The following SNX32 variants were observed in gnomAD, a reference collection of about 807,000 sequenced individuals.
SNX32 encodes sorting nexin-32.
Under a neutral mutation model 57.0 loss-of-function variants are expected in SNX32, and 58 were observed. That is an observed-to-expected ratio of 1.02 (90% CI 0.82 to 1.27). The LOEUF (loss-of-function observed/expected upper bound fraction) is 1.27, where lower values mean the gene tolerates loss of function less well. SNX32 is among the 50% of genes most tolerant of loss of function. The pLI, the probability that SNX32 is intolerant of heterozygous loss-of-function variation, is 0.00. For synonymous variants in SNX32, 262 were observed against 220.4 expected (o/e 1.19, Z -1.67); for missense variants, 589 against 541.2 (o/e 1.09, Z -0.88).
At position 65,849,461 on chromosome 11, in the gene SNX32, C is replaced by A. The variant is rs1185630795; in HGVS notation, c.37-17C>A. The A allele has an allele frequency of 6.3e-7, 1 of 1,594,384 alleles. No individual in the cohort carries two copies. The highest frequency in any genetic ancestry group is 8.6e-7 in the Non-Finnish European group (1 of 1,167,920). ...GGGCCATGCTCAGCCAGGCCAGAGA[C>A]CTCCCCTCCTCCGCAGCCTTCCTGT... On this transcript the variant is annotated splice_polypyrimidine_tract_variant and intron_variant, in intron 1 of 12. Transcript: ENST00000308342.
intron 1 of SNX32, among the ~76,000 whole-genome samples, chr11:65,844,458 TAGAG>T (rs985394399): frequency 1.2e-4 from 18 of 148,860 alleles, no homozygotes; most frequent in Admixed American, 2.7e-4. Context: ...AAATAATAAA[TAGAG>T]AGAGAGAGAG....
intron 12 of SNX32, 28 bp downstream of exon 12, chr11:65,852,986 T>G: frequency 6.2e-7 from 1 of 1,610,974 alleles, no homozygotes; most frequent in Non-Finnish European, 8.5e-7. Flanking sequence ...ACTGGGCCCT[T>G]GTGAAGCCTC....
intron 6 of SNX32, 23 bp from the exon 7 acceptor site, chr11:65,851,032 G>A: frequency 6.3e-7 from 1 of 1,599,634 alleles, no homozygotes; most frequent in South Asian, 1.1e-5. Context: ...CAGTGTAAAT[G>A]GGGTCCTGCC....
Position 65,850,237 on chromosome 11 carries a change from G to C in SNX32, c.340G>C (p.Glu114Gln). The change falls in exon 4 of 13, where the codon GAA (glutamate) becomes CAA (glutamine). Residue 114 changes from glutamate (E) to glutamine (Q), a missense_variant. Glu to Gln is a conservative substitution (Grantham distance 29). Coordinates refer to ENST00000308342, the MANE Select transcript of SNX32 (RefSeq NM_152760.3). ...CGAGGGGGACAGCTCTGTCACTCGG[G>C]AAGAGTTTGCCAAGATGAAGCAGGA... ...LGEGDSSVTR[E>Q]EFAKMKQELE... 1 of 1,614,232 alleles carries C rather than the reference G, an allele frequency of 6.2e-7. No homozygotes were observed. The highest frequency in any genetic ancestry group is 1.1e-5 in the South Asian group (1 of 91,086).
At chr11:65,838,650 T>C (rs2134688453) in intron 1 of SNX32, among the ~76,000 whole-genome samples, 1 of 152,330 alleles carries the variant, frequency 6.6e-6, no homozygotes, top group East Asian at 1.9e-4. Flanking sequence ...TGTAGAGCTC[T>C]ATACCCAACA....
chr11:65,852,935 G>A lies in SNX32; in HGVS notation c.1135G>A (p.Glu379Lys), dbSNP rs1859262878. 1 of 1,614,202 alleles carries A rather than the reference G, an allele frequency of 6.2e-7. No homozygotes were observed. ...SFRKNLIELAELELKHAKAST... is the reference protein window; with the variant it reads ...SFRKNLIELAKLELKHAKAST... ...TCGAAAGAATCTCATTGAGCTGGCA[G>A]AGCTGGAGCTCAAACACGCCAAGGT... The change falls in exon 12 of 13, where the codon GAG becomes AAG. Residue 379 changes from glutamate to lysine, a missense_variant. Glu to Lys is a moderately conservative substitution (Grantham distance 56). Coordinates refer to ENST00000308342, the MANE Select transcript of SNX32 (RefSeq NM_152760.3).
rs758396242 is a variant in SNX32 at position 65,853,382 on chromosome 11, A to G, written c.*47A>G. ...CCCTAATCTGGGATCTCCAGTGACC[A>G]GGGTATCCCAGACCCCTCTCTCCGG... On this transcript the variant is annotated 3_prime_UTR_variant, in exon 13 of 13. Coordinates refer to ENST00000308342, the MANE Select transcript of SNX32 (RefSeq NM_152760.3). The G allele has an allele frequency of 6.3e-7, 1 of 1,585,248 alleles. No homozygotes were observed. The highest frequency in any genetic ancestry group is 2.2e-5 in the East Asian group (1 of 44,726).
chr11:65,834,981 CGTT>C (rs1858624888), intron 1 of SNX32, among the ~76,000 whole-genome samples: 1 of 142,854 alleles, frequency 7.0e-6, no homozygotes, highest in Non-Finnish European at 1.5e-5. Context: ...CTGTGTATGT[CGTT>C]GTGTGTGTCT....
chr11:65,850,484 A>G lies in SNX32; in HGVS notation c.428A>G (p.Gln143Arg). 1.9e-6 allele frequency: 3 copies of G among 1,614,146 alleles called. No individual in the cohort carries two copies. The highest frequency in any genetic ancestry group is 1.3e-5 in the African/African-American group (1 of 75,048). ...KTVAMHEVFL[Q>R]RLAAHPTLRR... Reference sequence around the variant, plus strand: ...GTTGCGATGCACGAAGTCTTTCTGCAGCGCCTGGCGGCCCACCCCACCCTG... The same window carrying G: ...GTTGCGATGCACGAAGTCTTTCTGCGGCGCCTGGCGGCCCACCCCACCCTG... Residue 143 changes from glutamine to arginine, a missense_variant, in exon 5 of 13, where the codon CAG becomes CGG. Physicochemically the swap from Gln to Arg is conservative, Grantham distance 43. Coordinates refer to ENST00000308342, the MANE Select transcript of SNX32 (RefSeq NM_152760.3).
intron 1 of SNX32, among the ~76,000 whole-genome samples, chr11:65,839,575 C>G (rs1246285943): frequency 2.0e-5 from 3 of 150,784 alleles, no homozygotes; most frequent in African/African-American, 7.3e-5. Flanking sequence ...GAACTCCTGA[C>G]CTCAGGTGAT....
At chr11:65,850,721 C>A in intron 5 of SNX32, 30 bp from the exon 6 acceptor site, 1 of 1,606,318 alleles carries the variant, frequency 6.2e-7, no homozygotes, top group South Asian at 1.1e-5. Context: ...AACGCCCACC[C>A]CAGCATCATA....
At chr11:65,853,007 C>T (rs570980163) in intron 12 of SNX32, 49 bp downstream of exon 12, 43 of 1,576,294 alleles carry the variant, frequency 2.7e-5, no homozygotes, top group Middle Eastern at 1.8e-4. Context: ...CCACCTCCCA[C>T]CTCCCTCCCT....
At chr11:65,852,335 T>A (rs1300245601) in intron 9 of SNX32, 130 bp from the exon 10 acceptor site, 2 of 817,082 alleles carry the variant, frequency 2.4e-6, no homozygotes, top group East Asian at 5.0e-5. Context: ...CCTGCACCCC[T>A]CAACACCAGA....
intron 1 of SNX32, 60 bp downstream of exon 1, chr11:65,834,161 G>A (rs1858582781): frequency 6.7e-7 from 1 of 1,489,130 alleles, no homozygotes; most frequent in African/African-American, 1.4e-5. Context: ...AGCCCGTGAT[G>A]CCCAATCATG....
intron 1 of SNX32, among the ~76,000 whole-genome samples, chr11:65,839,666 AT>A (rs1001194170): frequency 7.1e-4 from 107 of 150,332 alleles, no homozygotes; most frequent in African/African-American, 2.3e-3. Flanking sequence ...AACTAAAAAA[AT>A]TTTTTTTGTG....
chr11:65,853,654 A>T lies in SNX32; in HGVS notation c.*319A>T. 1 of 424,322 alleles carries T rather than the reference A, an allele frequency of 2.4e-6. No homozygotes were observed. The highest frequency in any genetic ancestry group is 4.3e-6 in the Non-Finnish European group (1 of 232,458). 26.3% of individuals were successfully genotyped at this position (424,322 alleles called of 1,614,324 possible). A position where few individuals can be genotyped will look rare whatever the true frequency, so the allele number is the denominator to read the frequency against. On this transcript the variant is annotated 3_prime_UTR_variant, in exon 13 of 13. Coordinates refer to ENST00000308342, the MANE Select transcript of SNX32 (RefSeq NM_152760.3). ...CCCTGAAGGAATCATAGCTCACTTGATCCCGGCCTGTTCTCCTTCGCAAAT... is the reference window on the plus strand; with the variant it reads ...CCCTGAAGGAATCATAGCTCACTTGTTCCCGGCCTGTTCTCCTTCGCAAAT...
chr11:65,850,361 G>A, intron 4 of SNX32, 70 bp from the exon 5 acceptor site: 1 of 1,612,492 alleles, frequency 6.2e-7, no homozygotes, highest in Non-Finnish European at 8.5e-7. Flanking sequence ...CCTGACCTCT[G>A]ACCCCAGAAA....
At chr11:65,834,123 C>G in intron 1 of SNX32, 22 bp downstream of exon 1, 1 of 1,550,308 alleles carries the variant, frequency 6.5e-7, no homozygotes, top group Admixed American at 2.0e-5. Flanking sequence ...ATGAAGACCC[C>G]CACCCCAGCC....
intron 9 of SNX32, among the ~76,000 whole-genome samples, 183 bp downstream of exon 9, chr11:65,851,862 C>T (rs1429460668): frequency 2.0e-5 from 3 of 152,070 alleles, no homozygotes; most frequent in Admixed American, 6.5e-5. Context: ...GATCCAGCTT[C>T]GTGTGTGTGT....
Sources: gnomAD v4.1 joint callset for allele counts (sites outside exome capture counted in the v4.1 genomes callset) on GRCh38, gnomAD v4.1.1 for gene constraint, MANE v1.5 for transcripts, NCBI Gene and HGNC (gene_info 2026-07-23, HGNC 2026-07-21) for gene names.